HRNR: variants seen among roughly 807,000 people sequenced by gnomAD.
HRNR encodes the protein hornerin.
In HRNR, 7 loss-of-function variants were observed where a neutral mutation model predicts 4.8. That is an observed-to-expected ratio of 1.47 (90% CI 0.83 to 2.75). The LOEUF (loss-of-function observed/expected upper bound fraction) is 2.75. HRNR is among the 30% of genes most tolerant of loss of function. The pLI is 0.00. For missense variants in HRNR, 2,879 were observed against 3,010.4 expected, an observed-to-expected ratio of 0.96 and a Z score of 1.02; for synonymous variants, 1,023 against 1,242.7, an observed-to-expected ratio of 0.82 and a Z score of 3.72.
chr1:152,220,403 T>C lies in HRNR; in HGVS notation c.1226A>G (p.His409Arg). The C allele has an allele frequency of 6.2e-7, 1 of 1,613,544 alleles. No individual in the cohort carries two copies. The highest frequency in any genetic ancestry group is 8.5e-7 in the Non-Finnish European group (1 of 1,179,944). ...GCTGTGTTGGCCGCGGCCTGAAGAGTGACGGGAGGCAGACTCATGCTGACC... is the reference window on the plus strand; with the variant it reads ...GCTGTGTTGGCCGCGGCCTGAAGAGCGACGGGAGGCAGACTCATGCTGACC... The part of the protein sequence containing the change: ...SYGQHESASR[H>R]SSGRGQHSSG... The change falls in exon 3 of 3, where the codon CAC (histidine) becomes CGC (arginine). Residue 409 changes from histidine (H) to arginine (R), a missense_variant. By Grantham distance (29) the His-to-Arg change is conservative. Transcript: ENST00000368801.
In HRNR at chr1:152,220,830, A is replaced by C; in HGVS notation, c.799T>G (p.Ser267Ala). 1 of 1,612,624 alleles carries C rather than the reference A, an allele frequency of 6.2e-7. No homozygotes were observed. The highest frequency in any genetic ancestry group is 8.5e-7 in the Non-Finnish European group (1 of 1,179,674). ...GATCTGTGTCGTTCACCCCTAGATG[A>C]CTGTCCTGACCTAGAGCCGTGTTGT... ...YGQHGSRSGQSSRGERHRSSS... is the reference protein window; with the variant it reads ...YGQHGSRSGQASRGERHRSSS... The change falls in exon 3 of 3, where the codon TCA becomes GCA. Residue 267 changes from serine to alanine, a missense_variant. Ser to Ala is a moderately conservative substitution (Grantham distance 99, BLOSUM62 1). This residue lies in a region of HRNR where 2,646 missense variants were observed against 1,377.7 expected (regional missense o/e 1.92). Coordinates refer to ENST00000368801, the MANE Select transcript of HRNR (RefSeq NM_001009931.3).
At chr1:152,222,980 C>T (rs1649049205) in intron 2 of HRNR, 136 bp downstream of exon 2, 1 of 875,008 alleles carries the variant, frequency 1.1e-6, no homozygotes, top group Non-Finnish European at 1.8e-6. Context: ...GACCTTATCT[C>T]AAACTTTTAC....
Position 152,219,250 on chromosome 1 carries a change from T to A in HRNR, c.2379A>T (p.Gln793His). 6.2e-7 allele frequency: 1 copy of A among 1,613,510 alleles called. No individual in the cohort carries two copies. The highest frequency in any genetic ancestry group is 8.5e-7 in the Non-Finnish European group (1 of 1,179,738). The change falls in exon 3 of 3, where the codon CAA becomes CAT. Residue 793 changes from glutamine (Q) to histidine (H), a missense_variant. By Grantham distance (24) the Gln-to-His change is conservative. Around this residue, in one of 8 missense-constraint regions of HRNR, gnomAD observed 2,646 missense variants for 1,377.7 expected, o/e 1.92. Coordinates refer to ENST00000368801, the MANE Select transcript of HRNR (RefSeq NM_001009931.3). The stretch of plus-strand genomic sequence containing the variant: ...AAGAACAACTTGTGCCAGACCCGTG[T>A]TGGCCGTGGCTGGAGGAGTGCCCTG... ...SSSGHSSSHG[Q>H]HGSGTSCSSS...
chr1:152,212,751 G>T lies in HRNR; in HGVS notation c.*325C>A. 1 of 371,344 alleles carries T rather than the reference G, an allele frequency of 2.7e-6. No individual in the cohort carries two copies. The highest frequency in any genetic ancestry group is 4.8e-6 in the Non-Finnish European group (1 of 207,252). 23.0% of individuals were successfully genotyped at this position (371,344 alleles called of 1,614,324 possible). ...GCTTTGGCACCATCTATAAATGAAT[G>T]ATGAGCTCTCAAAAAGACAACTCCA... On this transcript the variant is annotated 3_prime_UTR_variant, in exon 3 of 3. Transcript: ENST00000368801.
rs144792825 is a variant in HRNR at position 152,212,661 on chromosome 1, C to A, written c.*415G>T. On this transcript the variant is annotated 3_prime_UTR_variant, in exon 3 of 3. Coordinates refer to ENST00000368801, the MANE Select transcript of HRNR (RefSeq NM_001009931.3). ...TTAGGGTACACTAATTGCTGTAAAA[C>A]AAAGCTTTGTATCTAGGACTGGTAA... The A allele has an allele frequency of 1.0e-4, 20 of 190,608 alleles. No homozygotes were observed. In the South Asian group the frequency reaches 1.6e-3, roughly 15 times the overall value. 11.8% of individuals were successfully genotyped at this position (190,608 alleles called of 1,614,324 possible).
chr1:152,219,903 A>G lies in HRNR; in HGVS notation c.1726T>C (p.Ser576Pro). The change falls in exon 3 of 3, where the codon TCT (serine) becomes CCT (proline). Residue 576 changes from serine to proline, a missense_variant. Physicochemically the swap from Ser to Pro is moderately conservative, Grantham distance 74 (BLOSUM62 -1). Transcript: ENST00000368801. ...GRSSSRGPYE[S>P]GSGHSSGLGH... The stretch of plus-strand genomic sequence containing the variant: ...AAGCCAGAAGAGTGACCGGAGCCAG[A>G]CTCATATGGGCCACGGCTTGAAGAC... 6.2e-7 allele frequency: 1 copy of G among 1,613,020 alleles called. No homozygotes were observed. The highest frequency in any genetic ancestry group is 8.5e-7 in the Non-Finnish European group (1 of 1,179,812).
Position 152,218,462 on chromosome 1 carries a change from C to G in HRNR, c.3167G>C (p.Arg1056Pro). 1 of 1,613,192 alleles carries G rather than the reference C, an allele frequency of 6.2e-7. No homozygotes were observed. Among genetic ancestry groups the G allele is most frequent in the Non-Finnish European group, 8.5e-7 (1 of 1,179,782 alleles). ...ACCGTAGCCAGAGGACTGTCCTGAG[C>G]GAGACTCTCGGTGACCTAAGCCAGA... ...HSSGLGHRESRSGQSSGYGQH... is the reference protein window; with the variant it reads ...HSSGLGHRESPSGQSSGYGQH... The change falls in exon 3 of 3, where the codon CGC becomes CCC. Residue 1056 changes from arginine (R) to proline (P), a missense_variant. By Grantham distance (103) the Arg-to-Pro change is moderately radical (BLOSUM62 -2). Coordinates refer to ENST00000368801, the MANE Select transcript of HRNR (RefSeq NM_001009931.3).
At chr1:152,223,072 G>T in intron 2 of HRNR, 44 bp downstream of exon 2, 2 of 1,596,768 alleles carry the variant, frequency 1.3e-6, no homozygotes, top group Non-Finnish European at 1.7e-6. Flanking sequence ...AAGGGATAAA[G>T]AAGAAAATTC....
In HRNR at chr1:152,219,902, G is replaced by C. The variant is rs1648879986; in HGVS notation, c.1727C>G (p.Ser576Cys). The C allele has an allele frequency of 6.2e-7, 1 of 1,613,756 alleles. No homozygotes were observed. Among genetic ancestry groups the C allele is most frequent in the South Asian group, 1.1e-5 (1 of 91,046 alleles). ...TAAGCCAGAAGAGTGACCGGAGCCAGACTCATATGGGCCACGGCTTGAAGA... is the reference window on the plus strand; with the variant it reads ...TAAGCCAGAAGAGTGACCGGAGCCACACTCATATGGGCCACGGCTTGAAGA... ...GRSSSRGPYE[S>C]GSGHSSGLGH... Residue 576 changes from serine to cysteine, a missense_variant, in exon 3 of 3, where the codon TCT (serine) becomes TGT (cysteine). Coordinates refer to ENST00000368801, the MANE Select transcript of HRNR (RefSeq NM_001009931.3).
Position 152,219,582 on chromosome 1 carries a change from C to G in HRNR, c.2047G>C (p.Gly683Arg). The G allele has an allele frequency of 6.2e-7, 1 of 1,608,602 alleles. No homozygotes were observed. Among genetic ancestry groups the G allele is most frequent in the Non-Finnish European group, 8.5e-7 (1 of 1,178,234 alleles). ...SSYGQHGSGSGWSSSNGPHGS... is the reference protein window; with the variant it reads ...SSYGQHGSGSRWSSSNGPHGS... Reference sequence around the variant, plus strand: ...TGTGGGCCATTGCTTGAAGACCAACCGGAGCCAGACCCATGTTGGCCGTAG... The same window carrying G: ...TGTGGGCCATTGCTTGAAGACCAACGGGAGCCAGACCCATGTTGGCCGTAG... Residue 683 changes from glycine (G) to arginine (R), a missense_variant, in exon 3 of 3, where the codon GGT becomes CGT. Gly to Arg is a moderately radical substitution (Grantham distance 125). This residue lies in a region of HRNR where 2,646 missense variants were observed against 1,377.7 expected (regional missense o/e 1.92). Coordinates refer to ENST00000368801, the MANE Select transcript of HRNR (RefSeq NM_001009931.3).
In HRNR at chr1:152,212,885, A is replaced by T; in HGVS notation, c.*191T>A. ...TCTAACAAAGTAGCACAAATGCCTAACAGTCTTTGGAAGGAACCCCATAAC... is the reference window on the plus strand; with the variant it reads ...TCTAACAAAGTAGCACAAATGCCTATCAGTCTTTGGAAGGAACCCCATAAC... On this transcript the variant is annotated 3_prime_UTR_variant, in exon 3 of 3. Coordinates refer to ENST00000368801, the MANE Select transcript of HRNR (RefSeq NM_001009931.3). 1.4e-6 allele frequency: 1 copy of T among 727,890 alleles called. No individual in the cohort carries two copies. The highest frequency in any genetic ancestry group is 2.2e-6 in the Non-Finnish European group (1 of 455,758). 45.1% of individuals were successfully genotyped at this position (727,890 alleles called of 1,614,324 possible). A position where few individuals can be genotyped will look rare whatever the true frequency, so the allele number is the denominator to read the frequency against.
At position 152,221,383 on chromosome 1, in the gene HRNR, A is replaced by C; in HGVS notation, c.246T>G (p.Val82=). The C allele has an allele frequency of 1.9e-6, 3 of 1,613,988 alleles. No homozygotes were observed. The highest frequency in any genetic ancestry group is 2.5e-6 in the Non-Finnish European group (3 of 1,180,018). ...TGCCAATGATTTTATTACGAGCCTG[A>C]ACCAGCTTGAATATCATCAGAAGAT... ...TEYLLMIFKL[V]QARNKIIGKD... is the part of the protein sequence containing the mutation. Residue 82 remains valine (V), a synonymous_variant, in exon 3 of 3, where the codon GTT becomes GTG. Coordinates refer to ENST00000368801, the MANE Select transcript of HRNR (RefSeq NM_001009931.3).
At position 152,220,344 on chromosome 1, in the gene HRNR, G is replaced by A. The variant is rs555213189; in HGVS notation, c.1285C>T (p.Arg429Cys). Residue 429 changes from arginine (R) to cysteine (C), a missense_variant, in exon 3 of 3, where the codon CGT (arginine) becomes TGT (cysteine). Around this residue, in one of 8 missense-constraint regions of HRNR, gnomAD observed 2,646 missense variants for 1,377.7 expected, o/e 1.92. Coordinates refer to ENST00000368801, the MANE Select transcript of HRNR (RefSeq NM_001009931.3). ...GGAGACTGCCCTGACCCAGACCCACGCTGGCCGTGGCCTGGAGACTGGCCA... is the reference window on the plus strand; with the variant it reads ...GGAGACTGCCCTGACCCAGACCCACACTGGCCGTGGCCTGGAGACTGGCCA... Reference protein sequence around the residue: ...GSGQSPGHGQRGSGSGQSPSS... With the variant: ...GSGQSPGHGQCGSGSGQSPSS... The A allele has an allele frequency of 3.1e-5, 50 of 1,612,890 alleles. No individual in the cohort carries two copies. In the East Asian group the frequency reaches 8.7e-4, roughly 28 times the overall value.
rs755400898 is a variant in HRNR, at chr1:152,218,560, G to C, written c.3069C>G (p.Ser1023Arg). Residue 1023 changes from serine to arginine, a missense_variant, in exon 3 of 3, where the codon AGC (serine) becomes AGG (arginine). Around this residue, in one of 8 missense-constraint regions of HRNR, gnomAD observed 2,646 missense variants for 1,377.7 expected, o/e 1.92. Coordinates refer to ENST00000368801, the MANE Select transcript of HRNR (RefSeq NM_001009931.3). ...RHGSGSGQSS[S>R]YGPYRSGSGW... ...CTGAGCCAGACCTATATGGGCCATA[G>C]CTGGAAGACTGCCCGGAACCAGACC... The C allele has an allele frequency of 1.1e-5, 18 of 1,613,766 alleles. No individual in the cohort carries two copies. In the South Asian group the frequency reaches 1.6e-4, roughly 15 times the overall value.
chr1:152,219,712 A>G lies in HRNR; in HGVS notation c.1917T>C (p.His639=). 1 of 1,613,554 alleles carries G rather than the reference A, an allele frequency of 6.2e-7. No homozygotes were observed. Among genetic ancestry groups the G allele is most frequent in the Non-Finnish European group, 8.5e-7 (1 of 1,179,594 alleles). ...GAGAAGACTGACTTGAGCCAGAGCC[A>G]TGCTGACCGTGGCTGGAAGACTGAC... ...TSGQSSSHGQ[H]GSGSSQSSRY... The change falls in exon 3 of 3, where the codon CAT becomes CAC. Residue 639 remains histidine, a synonymous_variant. Coordinates refer to ENST00000368801, the MANE Select transcript of HRNR (RefSeq NM_001009931.3).
chr1:152,221,435 T>C lies in HRNR; in HGVS notation c.194A>G (p.His65Arg). ...DIILQSLDRDHNKKVDFTEYL... is the reference protein window; with the variant it reads ...DIILQSLDRDRNKKVDFTEYL... The stretch of plus-strand genomic sequence containing the variant: ...CTCAGTAAAATCCACTTTCTTGTTA[T>C]GGTCTCGATCCAGACTTTGCAAGAT... Residue 65 changes from histidine (H) to arginine (R), a missense_variant, in exon 3 of 3, where the codon CAT (histidine) becomes CGT (arginine). This residue lies in a region of HRNR where 2,646 missense variants were observed against 1,377.7 expected (regional missense o/e 1.92). Transcript: ENST00000368801. 2 of 1,613,228 alleles carry C rather than the reference T, an allele frequency of 1.2e-6. No homozygotes were observed. The highest frequency in any genetic ancestry group is 1.7e-6 in the Non-Finnish European group (2 of 1,179,530).
intron 1 of HRNR, 87 bp from the exon 2 acceptor site, chr1:152,223,365 TGTTC>T: frequency 6.6e-6 from 5 of 759,424 alleles, no homozygotes; most frequent in Non-Finnish European, 9.9e-6. Flanking sequence ...TTATAATAAT[TGTTC>T]AGAATTAGTC....
At position 152,217,504 on chromosome 1, in the gene HRNR, G is replaced by A. The variant is rs745421102; in HGVS notation, c.4125C>T (p.Tyr1375=). 12 of 41,708 alleles carry A rather than the reference G, an allele frequency of 2.9e-4. 1 individual carries two copies. Among genetic ancestry groups the A allele is most frequent in the Admixed American group, 1.6e-3 (5 of 3,180 alleles). The allele number at this position is 41,708 out of a possible 1,614,324, so 2.6% of individuals were successfully genotyped here. A position where few individuals can be genotyped will look rare whatever the true frequency, so the allele number is the denominator to read the frequency against. The change falls in exon 3 of 3, where the codon TAC becomes TAT. Residue 1375 remains tyrosine, a synonymous_variant. Transcript: ENST00000368801. ...AACCGGAGCCAGACCCATGTTGGCC[G>A]TAGCTGGAAGAGTGCCCAGAACCGG... ...HGSGSGHSSS[Y]GQHGSGSGWS... is the part of the protein sequence containing the mutation.
At position 152,220,895 on chromosome 1, in the gene HRNR, C is replaced by T. The variant is rs143710082; in HGVS notation, c.734G>A (p.Ser245Asn). Residue 245 changes from serine (S) to asparagine (N), a missense_variant, in exon 3 of 3, where the codon AGT (serine) becomes AAT (asparagine). By Grantham distance (46) the Ser-to-Asn change is conservative. Around this residue, in one of 8 missense-constraint regions of HRNR, gnomAD observed 2,646 missense variants for 1,377.7 expected, o/e 1.92. Coordinates refer to ENST00000368801, the MANE Select transcript of HRNR (RefSeq NM_001009931.3). Reference sequence around the variant, plus strand: ...GTGACCTGAGCCAGATCCATGCTGACTGTAACCAGAGGACTGCCCTGAGCT... The same window carrying T: ...GTGACCTGAGCCAGATCCATGCTGATTGTAACCAGAGGACTGCCCTGAGCT... ...KSSSGQSSGYSQHGSGSGHSS... is the reference protein window; with the variant it reads ...KSSSGQSSGYNQHGSGSGHSS... The T allele has an allele frequency of 1.9e-6, 3 of 1,613,960 alleles. No homozygotes were observed. The highest frequency in any genetic ancestry group is 2.7e-5 in the African/African-American group (2 of 74,968).
Sources: gnomAD v4.1 joint callset for allele counts on GRCh38, gnomAD v4.1.1 for gene constraint, gnomAD v4.1.1 regional missense constraint, MANE v1.5 for transcripts, NCBI Gene and HGNC (gene_info 2026-07-23, HGNC 2026-07-21) for gene names.